Variants in MAP3K5 observed in about 807,000 individuals in gnomAD.
The protein encoded by MAP3K5 is ASK-1.
In MAP3K5, 56 loss-of-function variants were observed where a neutral mutation model predicts 158.7. The observed-to-expected ratio is 0.35, with a 90% CI of 0.28 to 0.44. The LOEUF (loss-of-function observed/expected upper bound fraction) is 0.44. Ranked by LOEUF, MAP3K5 falls within the 20% of genes least tolerant of loss-of-function variation. The pLI is 1.00. For missense variants in MAP3K5, 1,294 were observed against 1,674.8 expected (o/e 0.77, Z 3.97); for synonymous variants, 579 against 601.7 (o/e 0.96, Z 0.55).
chr6:136,611,997 T>A (rs1041696302), intron 17 of MAP3K5, among the ~76,000 whole-genome samples: 1 of 152,140 alleles, frequency 6.6e-6, no homozygotes, highest in African/African-American at 2.4e-5. Context: ...TCAGATGGCA[T>A]CACCCAGACC....
chr6:136,721,277 G>T (rs978317802), intron 1 of MAP3K5, among the ~76,000 whole-genome samples: 9 of 149,160 alleles, frequency 6.0e-5, no homozygotes, highest in African/African-American at 2.2e-4. Flanking sequence ...TATAAAACGA[G>T]ATTTTTAAAA....
chr6:136,579,821 A>G (rs1458752250), intron 25 of MAP3K5: 7 of 456,524 alleles, frequency 1.5e-5, no homozygotes, highest in African/African-American at 1.4e-4. Flanking sequence ...AAAAAAAATC[A>G]GATTCCTGGG....
At chr6:136,744,486 C>T (rs1375511874) in intron 1 of MAP3K5, among the ~76,000 whole-genome samples, 1 of 151,976 alleles carries the variant, frequency 6.6e-6, no homozygotes, top group Non-Finnish European at 1.5e-5. Context: ...TGACAGAAGC[C>T]AAAGAACTCC....
chr6:136,642,030 AAAAATAAAATAAAATAAAAT>A (rs57982866), intron 12 of MAP3K5, among the ~76,000 whole-genome samples: 33 of 119,326 alleles, frequency 2.8e-4, no homozygotes, highest in Admixed American at 1.2e-3. Context: ...AAAATAAAAT[AAAAATAAAATAAAATAAAAT>A]AAAATAAAAT....
intron 14 of MAP3K5, among the ~76,000 whole-genome samples, chr6:136,626,896 T>G (rs764668299): frequency 3.5e-4 from 54 of 152,208 alleles, no homozygotes; most frequent in Admixed American, 3.5e-3. Flanking sequence ...AGTGAAAATA[T>G]ATCAGAGTTG....
At chr6:136,737,360 A>C (rs1782522003) in intron 1 of MAP3K5, among the ~76,000 whole-genome samples, 1 of 152,162 alleles carries the variant, frequency 6.6e-6, no homozygotes, top group Non-Finnish European at 1.5e-5. Context: ...CCCCGTAACA[A>C]ACCTGCACAT....
rs1032557961 is a variant in MAP3K5 at position 136,565,212 on chromosome 6, C to T, written c.3761+2419G>A. Among the ~76,000 whole-genome samples the T allele has an allele frequency of 2.0e-5, 3 of 152,282 alleles. No individual in the cohort carries two copies. The South Asian group carries it at 6.2e-4, about 32-fold the overall frequency. The stretch of plus-strand genomic sequence containing the variant: ...TAGAAGTATTTATCTTAAGAACAAT[C>T]CAGTACATCAATTTTATTTTTATTT... On this transcript the variant is annotated intron_variant, in intron 26 of 29. Transcript: ENST00000359015.
At chr6:136,618,031 G>C (rs78082633) in intron 15 of MAP3K5, among the ~76,000 whole-genome samples, 2,953 of 152,256 alleles carry the variant, frequency 0.019, 97 homozygotes, top group African/African-American at 0.066. Context: ...TGGATGATGA[G>C]AGCATACTAA....
chr6:136,698,521 A>C lies in MAP3K5; in HGVS notation c.774T>G (p.Ile258Met). 6.2e-7 allele frequency: 1 copy of C among 1,613,994 alleles called. No homozygotes were observed. Among genetic ancestry groups the C allele is most frequent in the Admixed American group, 1.7e-5 (1 of 60,006 alleles). The change falls in exon 4 of 30, where the codon ATT (isoleucine) becomes ATG (methionine). Residue 258 changes from isoleucine to methionine, a missense_variant. Physicochemically the swap from Ile to Met is conservative, Grantham distance 10. This residue lies in a region of MAP3K5 where 690 missense variants were observed against 870.5 expected (regional missense o/e 0.79). Coordinates refer to ENST00000359015, the MANE Select transcript of MAP3K5 (RefSeq NM_005923.4). ...TTGCTTGTGCCACCTTCAAAAGTTG[A>C]ATAAAACGATCCACAAGAGGTAAGC... ...PICLPLVDRF[I>M]QLLKVAQASS...
chr6:136,631,570 T>C (rs1455639530), intron 14 of MAP3K5, among the ~76,000 whole-genome samples: 1 of 151,548 alleles, frequency 6.6e-6, no homozygotes, highest in Admixed American at 6.6e-5. Flanking sequence ...TGGAGTGCAG[T>C]GGCGCAATCC....
At chr6:136,664,811 A>G (rs1407568763) in intron 8 of MAP3K5, among the ~76,000 whole-genome samples, 1 of 152,196 alleles carries the variant, frequency 6.6e-6, no homozygotes, top group Non-Finnish European at 1.5e-5. Flanking sequence ...CGCACCTGTA[A>G]TCCCAGCTAC....
intron 1 of MAP3K5, among the ~76,000 whole-genome samples, chr6:136,726,470 A>G (rs1472442143): frequency 1.3e-5 from 2 of 152,090 alleles, no homozygotes; most frequent in Non-Finnish European, 2.9e-5. Context: ...GCACATGCCT[A>G]TAATCCCAGC....
intron 9 of MAP3K5, among the ~76,000 whole-genome samples, chr6:136,658,608 G>A (rs80078157): frequency 0.024 from 3,705 of 152,052 alleles, 152 homozygotes; most frequent in African/African-American, 0.084. Flanking sequence ...GCCACCGTGC[G>A]CCCGGCCAAC....
intron 11 of MAP3K5, among the ~76,000 whole-genome samples, chr6:136,648,189 T>G (rs908539143): frequency 6.6e-6 from 1 of 152,192 alleles, no homozygotes. Flanking sequence ...TAAATTAGTA[T>G]CACAAGTAAC....
chr6:136,779,335 TG>T (rs1303373602), intron 1 of MAP3K5, among the ~76,000 whole-genome samples: 1 of 148,698 alleles, frequency 6.7e-6, no homozygotes, highest in Non-Finnish European at 1.5e-5. Context: ...CCCAGCTACG[TG>T]GGAGGCTGAG....
At chr6:136,752,049 A>G (rs1198325216) in intron 1 of MAP3K5, among the ~76,000 whole-genome samples, 1 of 152,196 alleles carries the variant, frequency 6.6e-6, no homozygotes, top group East Asian at 1.9e-4. Context: ...AGTTCAAAAA[A>G]AATTTTTACA....
chr6:136,681,486 T>C (rs1032796522), intron 7 of MAP3K5, among the ~76,000 whole-genome samples: 2 of 151,906 alleles, frequency 1.3e-5, no homozygotes, highest in Non-Finnish European at 2.9e-5. Context: ...ATTTGAAAAA[T>C]TAGCTGAGTG....
chr6:136,765,302 G>C (rs1189919003), intron 1 of MAP3K5, among the ~76,000 whole-genome samples: 1 of 151,848 alleles, frequency 6.6e-6, no homozygotes, highest in African/African-American at 2.4e-5. Context: ...AGCAGAAACT[G>C]TTTTCTTTAG....
At chr6:136,598,994 A>T (rs1323512435) in intron 21 of MAP3K5, among the ~76,000 whole-genome samples, 1 of 152,140 alleles carries the variant, frequency 6.6e-6, no homozygotes, top group African/African-American at 2.4e-5. Flanking sequence ...AACATGGCGA[A>T]ACCCCGTCTT....
Sources: gnomAD v4.1 joint callset for allele counts (sites outside exome capture counted in the v4.1 genomes callset) on GRCh38, gnomAD v4.1.1 for gene constraint, gnomAD v4.1.1 regional missense constraint, MANE v1.5 for transcripts, NCBI Gene and HGNC (gene_info 2026-07-23, HGNC 2026-07-21) for gene names.